PRICKLE4: variants seen among roughly 807,000 people sequenced by gnomAD.
The protein encoded by PRICKLE4 is prickle planar cell polarity protein 4, also known as prickle-like protein 4.
PRICKLE4 carries 40 observed loss-of-function variants against 43.5 expected under a neutral mutation model. The observed-to-expected ratio is 0.92, with a 90% CI of 0.71 to 1.20. The LOEUF (loss-of-function observed/expected upper bound fraction) is 1.20, where lower values mean the gene tolerates loss of function less well. Ranked by LOEUF, PRICKLE4 falls within the 50% of genes most tolerant of loss-of-function variation. The pLI is 0.00. For missense variants in PRICKLE4, 527 were observed against 491.2 expected (o/e 1.07, Z -0.69); for synonymous variants, 208 against 197.4 (o/e 1.05, Z -0.45).
rs779291708 is a variant in PRICKLE4, at chr6:41,783,441, GTTCTTA to G, written c.-12-18_-12-13del. On this transcript the variant is annotated splice_polypyrimidine_tract_variant and intron_variant, in intron 2 of 7. Transcript: ENST00000458694. ...TTGTAACGGCCTAATACATGGAGGT[GTTCTTA>G]TTGTTTTGGGGTAGGCTTTGCCACA... 12 of 1,464,572 alleles carry G rather than the reference GTTCTTA, an allele frequency of 8.2e-6. No individual in the cohort carries two copies. Among genetic ancestry groups the G allele is most frequent in the Non-Finnish European group, 1.1e-5 (12 of 1,068,712 alleles). 90.7% of individuals were successfully genotyped at this position (1,464,572 alleles called of 1,614,324 possible). A position where few individuals can be genotyped will look rare whatever the true frequency, so the allele number is the denominator to read the frequency against.
chr6:41,783,423 G>C, intron 2 of PRICKLE4, 39 bp from the exon 3 acceptor site: 1 of 1,439,158 alleles, frequency 6.9e-7, no homozygotes. Context: ...ACATTGTAAC[G>C]GCCTAATACA....
In PRICKLE4 at chr6:41,785,394, C is replaced by G; in HGVS notation, c.436C>G (p.Gln146Glu). Residue 146 changes from glutamine to glutamate, a missense_variant, in exon 6 of 8, where the codon CAG becomes GAG. Physicochemically the swap from Gln to Glu is conservative, Grantham distance 29. Transcript: ENST00000458694. ...YGVFAARAGE[Q>E]RCWHQPCFAC... ...AGTGTTTGCAGCCCGGGCAGGGGAA[C>G]AGCGCTGCTGGCACCAGCCTTGCTT... The G allele has an allele frequency of 6.2e-7, 1 of 1,614,052 alleles. No homozygotes were observed. The highest frequency in any genetic ancestry group is 8.5e-7 in the Non-Finnish European group (1 of 1,180,016).
At chr6:41,782,586 T>G (rs1772571869) in intron 2 of PRICKLE4, among the ~76,000 whole-genome samples, 1 of 150,534 alleles carries the variant, frequency 6.6e-6, no homozygotes, top group African/African-American at 2.5e-5. Flanking sequence ...AGAGAGGAGG[T>G]TTACACCGTG....
At chr6:41,784,024 T>G in intron 3 of PRICKLE4, 107 bp from the exon 4 acceptor site, 1 of 826,176 alleles carries the variant, frequency 1.2e-6, no homozygotes, top group Non-Finnish European at 1.9e-6. Flanking sequence ...AGGGCATGCT[T>G]AGAAGCTGCT....
Position 41,787,244 on chromosome 6 carries a change from C to G in PRICKLE4, c.*115C>G, listed in dbSNP as rs1175950793. The G allele has an allele frequency of 3.5e-6, 5 of 1,409,502 alleles. No individual in the cohort carries two copies. The highest frequency in any genetic ancestry group is 2.8e-6 in the Non-Finnish European group (3 of 1,072,248). 87.3% of individuals were successfully genotyped at this position (1,409,502 alleles called of 1,614,324 possible). On this transcript the variant is annotated 3_prime_UTR_variant, in exon 8 of 8. Coordinates refer to ENST00000458694, the MANE Select transcript of PRICKLE4 (RefSeq NM_013397.6). ...TGAGACGCAGTCAGGCGCACGCCCG[C>G]AAGAGGCGGCGAGGTGACAAGTTTG...
Position 41,786,799 on chromosome 6 carries a change from A to C in PRICKLE4, c.825A>C (p.Gln275His), listed in dbSNP as rs748379767. The C allele has an allele frequency of 6.2e-7, 1 of 1,608,968 alleles. No homozygotes were observed. The highest frequency in any genetic ancestry group is 8.5e-7 in the Non-Finnish European group (1 of 1,178,018). ...TGLDRTEGRD[Q>H]TSVNSATLSR... Reference sequence around the variant, plus strand: ...TCGACCGAACTGAAGGAAGGGACCAAACCTCGGTGAACTCTGCAACCCTCT... The same window carrying C: ...TCGACCGAACTGAAGGAAGGGACCACACCTCGGTGAACTCTGCAACCCTCT... Residue 275 changes from glutamine to histidine, a missense_variant, in exon 8 of 8, where the codon CAA becomes CAC. Gln to His is a conservative substitution (Grantham distance 24). Coordinates refer to ENST00000458694, the MANE Select transcript of PRICKLE4 (RefSeq NM_013397.6).
chr6:41,785,005 A>G lies in PRICKLE4; in HGVS notation c.311A>G (p.Gln104Arg). 6.2e-7 allele frequency: 1 copy of G among 1,613,802 alleles called. No homozygotes were observed. ...CAGCTCTTCTGTGCCAGGCGGAAGC[A>G]GGAAGCCCTGGGACAGGGGGTAGCC... ...ELQLFCARRK[Q>R]EALGQGVARL... is the part of the protein sequence containing the mutation. Residue 104 changes from glutamine (Q) to arginine (R), a missense_variant, in exon 5 of 8, where the codon CAG (glutamine) becomes CGG (arginine). Gln to Arg is a conservative substitution (Grantham distance 43). Coordinates refer to ENST00000458694, the MANE Select transcript of PRICKLE4 (RefSeq NM_013397.6).
Position 41,786,773 on chromosome 6 carries a change from C to A in PRICKLE4, c.799C>A (p.Leu267Ile). 2 of 1,612,716 alleles carry A rather than the reference C, an allele frequency of 1.2e-6. No homozygotes were observed. Among genetic ancestry groups the A allele is most frequent in the Admixed American group, 1.7e-5 (1 of 59,886 alleles). ...EGQAFLGETG[L>I]DRTEGRDQTS... ...CCGGCCCGGAACAGGGGAGACTGGA[C>A]TCGACCGAACTGAAGGAAGGGACCA... Residue 267 changes from leucine to isoleucine, a missense_variant, in exon 8 of 8, where the codon CTC becomes ATC. Transcript: ENST00000458694.
At chr6:41,782,067 CTTTT>C (rs557402339) in intron 2 of PRICKLE4, among the ~76,000 whole-genome samples, 78 of 122,230 alleles carry the variant, frequency 6.4e-4, no homozygotes, top group South Asian at 1.1e-3. Flanking sequence ...TTAATAGTCG[CTTTT>C]TTTTTTTTTT....
In PRICKLE4 at chr6:41,787,265, G is replaced by A. The variant is rs1772681579; in HGVS notation, c.*136G>A. On this transcript the variant is annotated 3_prime_UTR_variant, in exon 8 of 8. Coordinates refer to ENST00000458694, the MANE Select transcript of PRICKLE4 (RefSeq NM_013397.6). ...CCCGCAAGAGGCGGCGAGGTGACAAGTTTGGAGTGCGCCCCCTTCAGTACT... is the reference window on the plus strand; with the variant it reads ...CCCGCAAGAGGCGGCGAGGTGACAAATTTGGAGTGCGCCCCCTTCAGTACT... 2 of 1,288,478 alleles carry A rather than the reference G, an allele frequency of 1.6e-6. No homozygotes were observed. Among genetic ancestry groups the A allele is most frequent in the Non-Finnish European group, 2.1e-6 (2 of 964,516 alleles). 79.8% of individuals were successfully genotyped at this position (1,288,478 alleles called of 1,614,324 possible). A position where few individuals can be genotyped will look rare whatever the true frequency, so the allele number is the denominator to read the frequency against.
At position 41,781,470 on chromosome 6, in the gene PRICKLE4, G is replaced by C. The variant is rs1374861763; in HGVS notation, c.-63G>C. The C allele has an allele frequency of 6.5e-6, 1 of 152,810 alleles. No individual in the cohort carries two copies. Among genetic ancestry groups the C allele is most frequent in the South Asian group, 2.1e-4 (1 of 4,828 alleles). 9.5% of individuals were successfully genotyped at this position (152,810 alleles called of 1,614,324 possible). On this transcript the variant is annotated 5_prime_UTR_variant, in exon 2 of 8. Transcript: ENST00000458694. Reference sequence around the variant, plus strand: ...CTCCTGGTGTGAACAGCCCATCCTGGCCACCTTCCACAGGAAACCTGACCT... The same window carrying C: ...CTCCTGGTGTGAACAGCCCATCCTGCCCACCTTCCACAGGAAACCTGACCT...
Position 41,786,827 on chromosome 6 carries a change from C to T in PRICKLE4, c.853C>T (p.Arg285Ter), listed in dbSNP as rs776523900. 2 of 1,558,114 alleles carry T rather than the reference C, an allele frequency of 1.3e-6. No homozygotes were observed. Among genetic ancestry groups the T allele is most frequent in the Non-Finnish European group, 8.6e-7 (1 of 1,158,734 alleles). ...CTCGGTGAACTCTGCAACCCTCTCC[C>T]GAACACTCCTCGCTGCTGCCGGCGG... ...QTSVNSATLS[R>*]TLLAAAGGSS... Residue 285 changes from arginine (R) to a stop codon, truncating the protein, a stop_gained, in exon 8 of 8, where the codon CGA (arginine) becomes TGA (stop). Transcript: ENST00000458694. LOFTEE classifies it high-confidence loss of function.
chr6:41,782,431 C>T (rs1201965629), intron 2 of PRICKLE4, among the ~76,000 whole-genome samples: 4 of 141,384 alleles, frequency 2.8e-5, no homozygotes, highest in African/African-American at 1.1e-4. Context: ...GCTCTGTCGC[C>T]CAGGCTGGAG....
chr6:41,781,788 T>C (rs1772557833), intron 2 of PRICKLE4, among the ~76,000 whole-genome samples: 1 of 152,178 alleles, frequency 6.6e-6, no homozygotes. Flanking sequence ...TGGTATGATC[T>C]TGGGCAAGTT....
intron 7 of PRICKLE4, chr6:41,786,542 G>A: frequency 9.9e-7 from 1 of 1,010,322 alleles, no homozygotes; most frequent in Non-Finnish European, 1.5e-6. Context: ...CCCACCCCGC[G>A]CCGCGGTCGG....
Position 41,784,122 on chromosome 6 carries a change from T to G in PRICKLE4, c.133-9T>G, listed in dbSNP as rs1424570886. ...GTTTCACTCCTCCCCTTCTTCCATG[T>G]CTCCTCAGGGTCCTGCAGTTCTGAG... On this transcript the variant is annotated splice_polypyrimidine_tract_variant and intron_variant, in intron 3 of 7. Transcript: ENST00000458694. The G allele has an allele frequency of 6.9e-6, 11 of 1,595,262 alleles. No individual in the cohort carries two copies. The highest frequency in any genetic ancestry group is 1.8e-5 in the Admixed American group (1 of 56,146).
chr6:41,784,930 T>C lies in PRICKLE4; in HGVS notation c.241-5T>C. The C allele has an allele frequency of 6.2e-7, 1 of 1,613,788 alleles. No individual in the cohort carries two copies. Among genetic ancestry groups the C allele is most frequent in the East Asian group, 2.2e-5 (1 of 44,876 alleles). ...CCCAGTAATTGTAGAGGACTGTTTCTGCAGGAGCGCTACTGCCTGGCCCTT... is the reference window on the plus strand; with the variant it reads ...CCCAGTAATTGTAGAGGACTGTTTCCGCAGGAGCGCTACTGCCTGGCCCTT... On this transcript the variant is annotated splice_region_variant and splice_polypyrimidine_tract_variant and intron_variant, in intron 4 of 7. Transcript: ENST00000458694.
At chr6:41,783,844 G>A (rs1368059719) in intron 3 of PRICKLE4, 10 of 765,718 alleles carry the variant, frequency 1.3e-5, no homozygotes, top group Non-Finnish European at 2.3e-5. Flanking sequence ...CAGACTCTAG[G>A]GGCTTTGGCC....
intron 4 of PRICKLE4, among the ~76,000 whole-genome samples, chr6:41,784,466 T>A (rs1007050601): frequency 6.6e-6 from 1 of 152,162 alleles, no homozygotes; most frequent in African/African-American, 2.4e-5. Context: ...CAAGAGCAAA[T>A]GAGAAAATGG....
Sources: allele counts gnomAD v4.1 joint callset (sites outside exome capture counted in the v4.1 genomes callset), GRCh38; gene constraint gnomAD v4.1.1; transcripts MANE v1.5; gene names NCBI Gene and HGNC (gene_info 2026-07-23, HGNC 2026-07-21).